The following FPR3 variants were observed in gnomAD, a reference collection of about 807,000 sequenced individuals.
FPR3 encodes formyl peptide receptor 3.
For missense variants in FPR3, 346 were observed against 443.2 expected (o/e 0.78, Z 1.97); for synonymous variants, 135 against 163.6 (o/e 0.83, Z 1.34).
chr19:51,804,198 C>T (rs541056582), intron 1 of FPR3: 2 of 152,064 alleles, frequency 1.3e-5, no homozygotes, highest in South Asian at 4.2e-4. Flanking sequence ...ATACGAGGCT[C>T]AGGGCTCAGT....
intron 1 of FPR3, among the ~76,000 whole-genome samples, chr19:51,803,596 C>CAA (rs35535525): frequency 3.0e-5 from 4 of 132,020 alleles, no homozygotes; most frequent in African/African-American, 5.6e-5. Context: ...TTTCAATTTC[C>CAA]AAAAAAAAAA....
chr19:51,799,339 C>T lies in FPR3; in HGVS notation c.-11+4008C>T, dbSNP rs145855696. On this transcript the variant is annotated intron_variant, in intron 1 of 1. Transcript: ENST00000339223. ...CCCACGATGTGAGGCTGCCCGAAAGCGACCTGGGCAGTTGGATCCCCTCTT... is the reference window on the plus strand; with the variant it reads ...CCCACGATGTGAGGCTGCCCGAAAGTGACCTGGGCAGTTGGATCCCCTCTT... 3.5e-3 allele frequency among the ~76,000 whole-genome samples: 529 copies of T among 152,298 alleles called. 3 individuals carry two copies. Among genetic ancestry groups the T allele is most frequent in the African/African-American group, 0.012 (496 of 41,564 alleles).
intron 1 of FPR3, among the ~76,000 whole-genome samples, chr19:51,795,728 T>C (rs1463459311): frequency 6.6e-6 from 1 of 152,008 alleles, no homozygotes; most frequent in Admixed American, 6.6e-5. Context: ...TTGGCCAGGC[T>C]GGTCTTCAAC....
intron 1 of FPR3, among the ~76,000 whole-genome samples, chr19:51,807,011 C>T (rs1051913719): frequency 6.6e-6 from 1 of 152,190 alleles, no homozygotes; most frequent in Non-Finnish European, 1.5e-5. Context: ...AAGTCTGTAA[C>T]CTGTCTTTAT....
At chr19:51,813,647 C>A (rs1366810922) in intron 1 of FPR3, among the ~76,000 whole-genome samples, 4 of 152,076 alleles carry the variant, frequency 2.6e-5, no homozygotes, top group African/African-American at 9.7e-5. Flanking sequence ...TTTCCCACCT[C>A]AGCCTCCCGA....
chr19:51,795,870 G>T (rs1198166490), intron 1 of FPR3, among the ~76,000 whole-genome samples: 1 of 151,794 alleles, frequency 6.6e-6, no homozygotes, highest in African/African-American at 2.4e-5. Flanking sequence ...TTTCCCCAAA[G>T]GTGTTTTACT....
chr19:51,805,879 G>T (rs2084055662), intron 1 of FPR3, among the ~76,000 whole-genome samples: 1 of 152,186 alleles, frequency 6.6e-6, no homozygotes, highest in Non-Finnish European at 1.5e-5. Context: ...TGCAAAGCAG[G>T]TGTGGCAGCC....
chr19:51,804,697 A>G (rs1442128117), intron 1 of FPR3: 1 of 152,196 alleles, frequency 6.6e-6, no homozygotes, highest in East Asian at 1.9e-4. Flanking sequence ...ATGAGGATCT[A>G]TCGAGCACCC....
chr19:51,801,503 G>C (rs186688705), intron 1 of FPR3, among the ~76,000 whole-genome samples: 2 of 152,264 alleles, frequency 1.3e-5, no homozygotes, highest in South Asian at 4.1e-4. Flanking sequence ...ATTAGCGGCC[G>C]GACGCGGTGG....
chr19:51,814,219 T>C (rs1045742220), intron 1 of FPR3, among the ~76,000 whole-genome samples: 1 of 152,222 alleles, frequency 6.6e-6, no homozygotes, highest in Non-Finnish European at 1.5e-5. Context: ...ATGGTTGTGT[T>C]GTTTCAGCCG....
At chr19:51,813,793 C>G (rs1358975898) in intron 1 of FPR3, among the ~76,000 whole-genome samples, 1 of 152,180 alleles carries the variant, frequency 6.6e-6, no homozygotes, top group African/African-American at 2.4e-5. Context: ...CTCGGCCTCC[C>G]AAAGTGCTGG....
intron 1 of FPR3, among the ~76,000 whole-genome samples, chr19:51,805,726 C>A (rs1258214721): frequency 6.6e-6 from 1 of 152,104 alleles, no homozygotes; most frequent in African/African-American, 2.4e-5. Context: ...ACGTACTGAG[C>A]CGTTTGAACA....
chr19:51,824,039 A>G lies in FPR3; in HGVS notation c.291A>G (p.Leu97=), dbSNP rs141324188. 36 of 1,613,836 alleles carry G rather than the reference A, an allele frequency of 2.2e-5. No homozygotes were observed. Among genetic ancestry groups the G allele is most frequent in the Non-Finnish European group, 3.1e-5 (36 of 1,179,972 alleles). The part of the protein sequence containing the change: ...MREKWPFGSF[L]CKLVHVMIDI... ...AAAAATGGCCTTTTGGCTCATTCCT[A>G]TGTAAGTTAGTTCATGTTATGATAG... The change falls in exon 2 of 2, where the codon CTA becomes CTG. Residue 97 remains leucine (L), a synonymous_variant. Transcript: ENST00000339223. This position sits in a 1 kb window ranked among gnomAD's most constrained non-coding sequence, Gnocchi z 4.7.
At position 51,814,655 on chromosome 19, in the gene FPR3, G is replaced by A. The variant is rs116980128; in HGVS notation, c.-10-9084G>A. Reference sequence around the variant, plus strand: ...ACTACAGGCATGTGCCATTCTGCTGGGCTAATTTTTGTATTTTTAGTAAAG... The same window carrying A: ...ACTACAGGCATGTGCCATTCTGCTGAGCTAATTTTTGTATTTTTAGTAAAG... On this transcript the variant is annotated intron_variant, in intron 1 of 1. Coordinates refer to ENST00000339223, the MANE Select transcript of FPR3 (RefSeq NM_002030.5). Among the ~76,000 whole-genome samples, 886 of 152,034 alleles carry A rather than the reference G, an allele frequency of 5.8e-3. 2 individuals carry two copies. Among genetic ancestry groups the A allele is most frequent in the Non-Finnish European group, 9.6e-3 (649 of 67,958 alleles).
intron 1 of FPR3, among the ~76,000 whole-genome samples, chr19:51,798,654 T>C (rs961553): frequency 0.81 from 122,692 of 152,112 alleles, 49,771 homozygotes; most frequent in East Asian, 0.98. Flanking sequence ...ACTGGCTAGG[T>C]ATGATGCTGA....
intron 1 of FPR3, among the ~76,000 whole-genome samples, chr19:51,810,146 C>G (rs570004163): frequency 6.6e-6 from 1 of 152,218 alleles, no homozygotes; most frequent in African/African-American, 2.4e-5. Flanking sequence ...AGGGTTTGAC[C>G]CTTGGCTCCT....
chr19:51,824,486 G>C lies in FPR3; in HGVS notation c.738G>C (p.Val246=). 1 of 1,613,960 alleles carries C rather than the reference G, an allele frequency of 6.2e-7. No individual in the cohort carries two copies. The part of the protein sequence containing the change: ...SSRPLRVFAA[V]VASFFICWFP... ...GTCCCTTACGTGTCTTCGCTGCTGT[G>C]GTGGCTTCTTTCTTCATCTGTTGGT... is the stretch of plus-strand genomic sequence containing the variant. The change falls in exon 2 of 2, where the codon GTG becomes GTC. Residue 246 remains valine, a synonymous_variant. Coordinates refer to ENST00000339223, the MANE Select transcript of FPR3 (RefSeq NM_002030.5). The surrounding 1 kb of genome is among the most constrained non-coding windows in gnomAD (Gnocchi z 4.7).
Position 51,824,269 on chromosome 19 carries a change from C to A in FPR3, c.521C>A (p.Thr174Lys), listed in dbSNP as rs1200047047. 1 of 1,614,018 alleles carries A rather than the reference C, an allele frequency of 6.2e-7. No homozygotes were observed. The highest frequency in any genetic ancestry group is 8.5e-7 in the Non-Finnish European group (1 of 1,180,034). ...WTTISTTNGD[T>K]YCIFNFAFWG... Reference sequence around the variant, plus strand: ...ACAATAAGTACTACGAATGGGGACACATACTGTATTTTCAACTTTGCATTC... The same window carrying A: ...ACAATAAGTACTACGAATGGGGACAAATACTGTATTTTCAACTTTGCATTC... The change falls in exon 2 of 2, where the codon ACA becomes AAA. Residue 174 changes from threonine (T) to lysine (K), a missense_variant. Physicochemically the swap from Thr to Lys is moderately conservative, Grantham distance 78. Coordinates refer to ENST00000339223, the MANE Select transcript of FPR3 (RefSeq NM_002030.5). This position sits in a 1 kb window ranked among gnomAD's most constrained non-coding sequence, Gnocchi z 4.7.
At chr19:51,796,335 G>A (rs911796242) in intron 1 of FPR3, among the ~76,000 whole-genome samples, 9 of 152,212 alleles carry the variant, frequency 5.9e-5, no homozygotes, top group African/African-American at 2.2e-4. Flanking sequence ...AGGTCTGAGG[G>A]ATGCACAGGG....
Sources: gnomAD v4.1 joint callset for allele counts (sites outside exome capture counted in the v4.1 genomes callset) on GRCh38, gnomAD v4.1.1 for gene constraint, Gnocchi (gnomAD v3.1) non-coding constraint, MANE v1.5 for transcripts, NCBI Gene and HGNC (gene_info 2026-07-23, HGNC 2026-07-21) for gene names.